Variants in CHST9 observed in about 807,000 individuals in gnomAD.
The protein encoded by CHST9 is carbohydrate sulfotransferase 9, also known as GalNAc-4-sulfotransferase 2.
Under a neutral mutation model 44.4 loss-of-function variants are expected in CHST9, and 41 were observed. The ratio of observed to expected loss-of-function variants is 0.92; its 90% CI spans 0.72 to 1.20. CHST9 has a LOEUF of 1.20. CHST9 is among the 50% of genes most tolerant of loss of function. The probability of loss-of-function intolerance (pLI) is 0.00; values close to 1 mark genes in which losing one functional copy is unlikely to be tolerated. For missense variants in CHST9, 504 were observed against 516.5 expected, an observed-to-expected ratio of 0.98 and a Z score of 0.23; for synonymous variants, 171 against 178.4, an observed-to-expected ratio of 0.96 and a Z score of 0.33.
chr18:27,075,350 G>A (rs1263019305), intron 2 of CHST9, among the ~76,000 whole-genome samples: 1 of 151,788 alleles, frequency 6.6e-6, no homozygotes, highest in East Asian at 1.9e-4. Context: ...ACACAAAGAG[G>A]GGGACAGAGA....
At chr18:27,073,819 A>G (rs534822961) in intron 2 of CHST9, among the ~76,000 whole-genome samples, 2 of 152,100 alleles carry the variant, frequency 1.3e-5, no homozygotes, top group Non-Finnish European at 2.9e-5. Context: ...GACTATTTAT[A>G]TATATATACT....
At chr18:27,088,252 T>C (rs1002912433) in intron 2 of CHST9, among the ~76,000 whole-genome samples, 1 of 152,154 alleles carries the variant, frequency 6.6e-6, no homozygotes, top group African/African-American at 2.4e-5. Context: ...CTGGCAAAGA[T>C]AAGGGACACA....
chr18:27,144,293 G>C (rs4544307), intron 1 of CHST9, among the ~76,000 whole-genome samples: 1 of 152,208 alleles, frequency 6.6e-6, no homozygotes, highest in Non-Finnish European at 1.5e-5. Flanking sequence ...TTTTGCCTAA[G>C]AGGTGTTTTA....
At chr18:27,024,012 A>T (rs536252398) in intron 4 of CHST9, 104 bp downstream of exon 4, 106 of 1,099,258 alleles carry the variant, frequency 9.6e-5, no homozygotes, top group South Asian at 2.3e-4. Flanking sequence ...TCATCAGCAG[A>T]ACAGGTGCTT....
chr18:26,934,931 G>C (rs1421480625), intron 5 of CHST9: 1 of 152,198 alleles, frequency 6.6e-6, no homozygotes, highest in African/African-American at 2.4e-5. Flanking sequence ...ATTCTGTGCA[G>C]TGTTTCAGGT....
At chr18:27,136,553 A>G (rs146255079) in intron 2 of CHST9, among the ~76,000 whole-genome samples, 1 of 152,212 alleles carries the variant, frequency 6.6e-6, no homozygotes, top group Non-Finnish European at 1.5e-5. Context: ...CTGGTTTCTT[A>G]TTTGCTTAGC....
At chr18:27,115,133 A>T (rs2058309072) in intron 2 of CHST9, among the ~76,000 whole-genome samples, 1 of 152,128 alleles carries the variant, frequency 6.6e-6, no homozygotes, top group Admixed American at 6.6e-5. Flanking sequence ...AAGTTTCTTG[A>T]GGCCTCCCTA....
intron 5 of CHST9, among the ~76,000 whole-genome samples, chr18:26,927,925 C>G (rs534999617): frequency 6.6e-6 from 1 of 152,264 alleles, no homozygotes; most frequent in African/African-American, 2.4e-5. Context: ...CTTTCCTAGG[C>G]AGAGGTCCCT....
At position 27,090,903 on chromosome 18, in the gene CHST9, T is replaced by G. The variant is rs180795566; in HGVS notation, c.122-42400A>C. Among the ~76,000 whole-genome samples, 698 of 152,318 alleles carry G rather than the reference T, an allele frequency of 4.6e-3. 4 individuals carry two copies. The highest frequency in any genetic ancestry group is 0.015 in the African/African-American group (614 of 41,580). ...GTGATGCCTCCAGCTTTGTTCTTTT[T>G]GCTTAGGATTGTCTTGCAATGCAGG... is the stretch of plus-strand genomic sequence containing the variant. On this transcript the variant is annotated intron_variant, in intron 2 of 5. Transcript: ENST00000618847.
At chr18:27,048,958 G>T (rs1247146073) in intron 2 of CHST9, among the ~76,000 whole-genome samples, 3 of 152,140 alleles carry the variant, frequency 2.0e-5, no homozygotes, top group South Asian at 4.1e-4. Context: ...AAAGGAGGGG[G>T]TGCTCATGAA....
At chr18:27,155,218 T>G (rs1317670315) in intron 1 of CHST9, among the ~76,000 whole-genome samples, 2 of 152,176 alleles carry the variant, frequency 1.3e-5, no homozygotes, top group Non-Finnish European at 2.9e-5. Context: ...AGAAGAATGC[T>G]TTGCCCATAG....
intron 4 of CHST9, among the ~76,000 whole-genome samples, chr18:26,985,361 A>G (rs2056742089): frequency 6.6e-6 from 1 of 152,208 alleles, no homozygotes; most frequent in African/African-American, 2.4e-5. Context: ...AAAACCAACC[A>G]ACCAAACAAA....
chr18:26,933,652 G>A lies in CHST9; in HGVS notation c.240+10677C>T, dbSNP rs137870321. ...AGCTGGAAGAATTAATAAGCAACAC[G>A]TTCACCCAAGAAGTATTTACTGAGC... is the stretch of plus-strand genomic sequence containing the variant. On this transcript the variant is annotated intron_variant, in intron 5 of 5. Transcript: ENST00000618847. 2.8e-3 allele frequency: 433 copies of A among 153,698 alleles called. 1 individual carries two copies. The highest frequency in any genetic ancestry group is 4.8e-3 in the Non-Finnish European group (329 of 67,980). The allele number at this position is 153,698 out of a possible 1,614,324, so 9.5% of individuals were successfully genotyped here.
chr18:27,143,282 G>A (rs1390427647), intron 1 of CHST9, among the ~76,000 whole-genome samples: 1 of 152,168 alleles, frequency 6.6e-6, no homozygotes, highest in Non-Finnish European at 1.5e-5. Context: ...CTTGTAGAAT[G>A]TAAGGAAAAA....
intron 3 of CHST9, among the ~76,000 whole-genome samples, chr18:27,044,058 C>T (rs982860630): frequency 2.1e-5 from 2 of 94,720 alleles, no homozygotes; most frequent in African/African-American, 7.6e-5. Context: ...ACAGCGAGCC[C>T]TTCCCCCCCC....
chr18:27,136,108 A>C (rs1294572066), intron 2 of CHST9, among the ~76,000 whole-genome samples: 1 of 152,176 alleles, frequency 6.6e-6, no homozygotes, highest in African/African-American at 2.4e-5. Flanking sequence ...GTTTTAACCA[A>C]ACCTTAAGGG....
chr18:27,068,416 ACTTTTGTGTTATGTGTG>A lies in CHST9; in HGVS notation c.122-19930_122-19914del, dbSNP rs11270771. Among the ~76,000 whole-genome samples, 1,293 of 152,154 alleles carry A rather than the reference ACTTTTGTGTTATGTGTG, an allele frequency of 8.5e-3. 19 individuals are homozygous for A. The highest frequency in any genetic ancestry group is 0.028 in the African/African-American group (1,161 of 41,516). ...TTTCTAGTTCTTGGGGTAAAAACTA[ACTTTTGTGTTATGTGTG>A]CTGATCTCCCTTCAAATAATTCATA... On this transcript the variant is annotated intron_variant, in intron 2 of 5. Coordinates refer to ENST00000618847, the MANE Select transcript of CHST9 (RefSeq NM_031422.6).
intron 1 of CHST9, among the ~76,000 whole-genome samples, chr18:27,152,291 A>G (rs906135280): frequency 6.6e-6 from 1 of 152,166 alleles, no homozygotes; most frequent in Non-Finnish European, 1.5e-5. Flanking sequence ...TTTGTTTTAG[A>G]AGAAAAAGTT....
intron 2 of CHST9, among the ~76,000 whole-genome samples, chr18:27,058,151 G>C (rs1485807): frequency 1.3e-5 from 2 of 152,008 alleles, no homozygotes; most frequent in African/African-American, 4.8e-5. Flanking sequence ...AAATAGGAAT[G>C]CTAGTCTTAA....
Sources: allele counts gnomAD v4.1 joint callset (sites outside exome capture counted in the v4.1 genomes callset), GRCh38; gene constraint gnomAD v4.1.1; transcripts MANE v1.5; gene names NCBI Gene and HGNC (gene_info 2026-07-23, HGNC 2026-07-21).